ZNF385D: variants seen among roughly 807,000 people sequenced by gnomAD.
ZNF385D encodes zinc finger protein 659.
A neutral mutation model predicts 35.8 loss-of-function variants in ZNF385D; 15 were observed. That is an observed-to-expected ratio of 0.42 (90% CI 0.28 to 0.64). The LOEUF is 0.64. Among genes scored for constraint, ZNF385D ranks in the 30% least tolerant of loss-of-function variants. ZNF385D has a pLI of 0.23. For synonymous variants in ZNF385D, 212 were observed against 186.8 expected, an observed-to-expected ratio of 1.13 and a Z score of -1.10; for missense variants, 474 against 494.6, an observed-to-expected ratio of 0.96 and a Z score of 0.39.
chr3:22,267,572 C>T (rs752611962), intron 2 of ZNF385D, among the ~76,000 whole-genome samples: 6 of 151,796 alleles, frequency 4.0e-5, no homozygotes, highest in Admixed American at 1.3e-4. Context: ...AATAATAACT[C>T]ACAACCCCAG....
At chr3:21,936,018 C>T (rs1451792296) in intron 3 of ZNF385D, among the ~76,000 whole-genome samples, 2 of 151,966 alleles carry the variant, frequency 1.3e-5, no homozygotes, top group Non-Finnish European at 2.9e-5. Flanking sequence ...AGATGAAAGC[C>T]ATTTCATCTG....
intron 4 of ZNF385D, among the ~76,000 whole-genome samples, chr3:21,479,928 G>A (rs1704497713): frequency 6.6e-6 from 1 of 151,964 alleles, no homozygotes; most frequent in Non-Finnish European, 1.5e-5. Context: ...ATTCCTTTTG[G>A]TCTGCTTTTT....
chr3:21,634,286 A>AAAGGAAGAAAGGAGAGGAAGGG (rs1170148874), intron 2 of ZNF385D, among the ~76,000 whole-genome samples: 1 of 150,828 alleles, frequency 6.6e-6, no homozygotes, highest in African/African-American at 2.4e-5. Flanking sequence ...GGAAGAAAAG[A>AAAGGAAGAAAGGAGAGGAAGGG]AAGGAAGAAA....
chr3:21,882,991 G>A (rs73040601), intron 3 of ZNF385D, among the ~76,000 whole-genome samples: 2 of 151,846 alleles, frequency 1.3e-5, no homozygotes, highest in Non-Finnish European at 2.9e-5. Flanking sequence ...CCTCACTATT[G>A]AACAAACCCT....
chr3:21,567,248 A>ATG (rs2063180967), intron 2 of ZNF385D, among the ~76,000 whole-genome samples: 1 of 152,188 alleles, frequency 6.6e-6, no homozygotes, highest in Non-Finnish European at 1.5e-5. Context: ...CTTAATTTAA[A>ATG]ATTACAGTAT....
intron 3 of ZNF385D, among the ~76,000 whole-genome samples, chr3:22,095,088 C>CTTTT (rs10663641): frequency 2.8e-4 from 34 of 121,940 alleles, no homozygotes; most frequent in Non-Finnish European, 3.4e-4. Flanking sequence ...TTCATTCTTT[C>CTTTT]TTTTTTTTTT....
chr3:21,624,206 C>A (rs539852387), intron 2 of ZNF385D, among the ~76,000 whole-genome samples: 3 of 152,192 alleles, frequency 2.0e-5, no homozygotes, highest in African/African-American at 7.2e-5. Flanking sequence ...TGATTGCCAT[C>A]ACAACACAGT....
At chr3:22,301,012 A>G (rs970811203) in intron 2 of ZNF385D, among the ~76,000 whole-genome samples, 10 of 152,060 alleles carry the variant, frequency 6.6e-5, no homozygotes, top group Non-Finnish European at 1.0e-4. Flanking sequence ...TGTACTCACA[A>G]TAGCCAAGAT....
chr3:21,670,316 T>C (rs1368529918), intron 1 of ZNF385D, among the ~76,000 whole-genome samples: 2 of 151,852 alleles, frequency 1.3e-5, no homozygotes, highest in African/African-American at 4.8e-5. Flanking sequence ...GTTGAAATTA[T>C]GTGTTTTTCA....
chr3:22,094,297 G>A (rs568390879), intron 3 of ZNF385D, among the ~76,000 whole-genome samples: 15 of 136,396 alleles, frequency 1.1e-4, no homozygotes, highest in Middle Eastern at 3.9e-3. Flanking sequence ...ATGCACACTT[G>A]GCTAGGTATT....
At chr3:21,970,609 G>GAT (rs775141124) in intron 3 of ZNF385D, among the ~76,000 whole-genome samples, 6 of 150,612 alleles carry the variant, frequency 4.0e-5, no homozygotes, top group Non-Finnish European at 5.9e-5. Flanking sequence ...TTAAAGAGTA[G>GAT]AGAGAGAGAG....
intron 2 of ZNF385D, among the ~76,000 whole-genome samples, chr3:21,617,610 A>G (rs1352419291): frequency 6.6e-6 from 1 of 152,224 alleles, no homozygotes; most frequent in Admixed American, 6.5e-5. Flanking sequence ...GAAGTTAAGT[A>G]TCTTGCCCAA....
chr3:22,096,571 TGAG>T (rs1370905149), intron 3 of ZNF385D, among the ~76,000 whole-genome samples: 10 of 152,198 alleles, frequency 6.6e-5, no homozygotes, highest in Admixed American at 3.3e-4. Context: ...CAAAAAGTGT[TGAG>T]GAGAAATTTT....
intron 2 of ZNF385D, among the ~76,000 whole-genome samples, chr3:21,628,089 ACT>A (rs1411152386): frequency 6.6e-6 from 1 of 152,054 alleles, no homozygotes; most frequent in Non-Finnish European, 1.5e-5. Flanking sequence ...TTCTGCCCTA[ACT>A]CTACGGACAA....
chr3:22,293,133 A>G lies in ZNF385D; in HGVS notation c.106+79317T>C, dbSNP rs536826752. On this transcript the variant is annotated intron_variant, in intron 2 of 5. Transcript: ENST00000494108. ...CTATCTTTTCACTTATACATCATAA[A>G]TCCCTCAAAAAAGCCTTCATAGAAA... Among the ~76,000 whole-genome samples the G allele has an allele frequency of 3.6e-3, 554 of 152,148 alleles. 4 individuals are homozygous for G. Among genetic ancestry groups the G allele is most frequent in the African/African-American group, 0.011 (470 of 41,552 alleles).
At chr3:21,564,966 C>G (rs748429520) in intron 2 of ZNF385D, among the ~76,000 whole-genome samples, 8 of 152,060 alleles carry the variant, frequency 5.3e-5, no homozygotes, top group Non-Finnish European at 1.2e-4. Flanking sequence ...GTTTAATAAC[C>G]CTTAAATATA....
intron 2 of ZNF385D, among the ~76,000 whole-genome samples, chr3:22,250,946 G>T (rs1371219195): frequency 6.6e-6 from 1 of 152,034 alleles, no homozygotes; most frequent in Admixed American, 6.6e-5. Context: ...TCAGTAGAGT[G>T]GGTTTTCACG....
chr3:22,355,041 A>G (rs1166580922), intron 2 of ZNF385D, among the ~76,000 whole-genome samples: 1 of 152,042 alleles, frequency 6.6e-6, no homozygotes, highest in Non-Finnish European at 1.5e-5. Flanking sequence ...ATAAATTGAA[A>G]TTATACATTT....
intron 3 of ZNF385D, among the ~76,000 whole-genome samples, chr3:21,980,389 G>T (rs909370283): frequency 1.3e-4 from 20 of 152,102 alleles, no homozygotes; most frequent in Non-Finnish European, 2.9e-5. Flanking sequence ...AAATTTTGGG[G>T]AGATTTATTA....
Sources: allele counts gnomAD v4.1 joint callset (sites outside exome capture counted in the v4.1 genomes callset), GRCh38; gene constraint gnomAD v4.1.1; transcripts MANE v1.5; gene names NCBI Gene and HGNC (gene_info 2026-07-23, HGNC 2026-07-21).